Variants in XPO4 observed in about 807,000 individuals in gnomAD.
The protein encoded by XPO4 is exportin-4.
XPO4 carries 39 observed loss-of-function variants against 143.0 expected under a neutral mutation model. That is an observed-to-expected ratio of 0.27 (90% CI 0.21 to 0.36). The LOEUF (loss-of-function observed/expected upper bound fraction) is 0.36. XPO4 is among the 10% of genes least tolerant of loss of function. XPO4 has a pLI of 1.00. For missense variants in XPO4, 907 were observed against 1,348.0 expected (o/e 0.67, Z 5.12); for synonymous variants, 439 against 474.0 (o/e 0.93, Z 0.96).
intron 6 of XPO4, among the ~76,000 whole-genome samples, chr13:20,831,065 A>AT (rs1315066398): frequency 6.6e-6 from 1 of 152,080 alleles, no homozygotes; most frequent in African/African-American, 2.4e-5. Context: ...TGTATAAGAA[A>AT]TAAAAAAAAC....
At chr13:20,868,538 C>A (rs1032608618) in intron 2 of XPO4, 58 bp downstream of exon 2, 1 of 1,568,376 alleles carries the variant, frequency 6.4e-7, no homozygotes, top group Non-Finnish European at 8.6e-7. Context: ...ATGTTTAAGA[C>A]AGCAAACCCA....
At chr13:20,859,980 C>CA in intron 3 of XPO4, 1 of 324,926 alleles carries the variant, frequency 3.1e-6, no homozygotes, top group Non-Finnish European at 4.4e-6. Flanking sequence ...AACAGCTCCA[C>CA]AAAAAAGAAC....
intron 22 of XPO4, among the ~76,000 whole-genome samples, chr13:20,784,204 A>G (rs1250880822): frequency 6.6e-6 from 1 of 152,224 alleles, no homozygotes; most frequent in Non-Finnish European, 1.5e-5. Context: ...AGATCAAGCA[A>G]GAGTCCACCA....
intron 1 of XPO4, among the ~76,000 whole-genome samples, chr13:20,900,617 CT>C (rs71090516): frequency 0.23 from 33,601 of 144,356 alleles, 5,169 homozygotes; most frequent in African/African-American, 0.46. Flanking sequence ...AAGTCATTTC[CT>C]TTTTTTTTTT....
chr13:20,802,786 T>C lies in XPO4; in HGVS notation c.1818-1796A>G, dbSNP rs558234534. ...ATACAAATGTCTATATATTGAAAGATAACTTTTAAACATTTTCAATGACCA... is the reference window on the plus strand; with the variant it reads ...ATACAAATGTCTATATATTGAAAGACAACTTTTAAACATTTTCAATGACCA... On this transcript the variant is annotated intron_variant, in intron 13 of 22. Transcript: ENST00000255305. 5.3e-5 allele frequency among the ~76,000 whole-genome samples: 8 copies of C among 152,346 alleles called. No individual in the cohort carries two copies. The South Asian group carries it at 1.7e-3, about 32-fold the overall frequency.
At chr13:20,881,936 C>G (rs541087929) in intron 1 of XPO4, among the ~76,000 whole-genome samples, 8 of 151,430 alleles carry the variant, frequency 5.3e-5, no homozygotes, top group Non-Finnish European at 1.2e-4. Flanking sequence ...GGTGAAACCC[C>G]GTCTCTACTA....
intron 1 of XPO4, chr13:20,879,066 G>A (rs2060381371): frequency 2.1e-6 from 2 of 970,808 alleles, no homozygotes; most frequent in Non-Finnish European, 1.2e-6. Context: ...GCGAACGCAG[G>A]GATCCAAAGA....
intron 1 of XPO4, among the ~76,000 whole-genome samples, chr13:20,883,958 GT>G (rs2060437628): frequency 6.6e-6 from 1 of 152,084 alleles, no homozygotes; most frequent in Admixed American, 6.5e-5. Flanking sequence ...TAGAGATGGG[GT>G]TTCTCCATGT....
chr13:20,796,960 G>A lies in XPO4; in HGVS notation c.2420C>T (p.Ala807Val). ...QQEEVKQEIT[A>V]TLEALCGIAE... ...AATGCCACACAGGGCCTCTAGTGTG[G>A]CAGTGATTTCCTGCTTGACTTCCTC... The change falls in exon 17 of 23, where the codon GCC becomes GTC. Residue 807 changes from alanine (A) to valine (V), a missense_variant. By Grantham distance (64) the Ala-to-Val change is moderately conservative. Coordinates refer to ENST00000255305, the MANE Select transcript of XPO4 (RefSeq NM_022459.5). 6.2e-7 allele frequency: 1 copy of A among 1,614,010 alleles called. No individual in the cohort carries two copies. The highest frequency in any genetic ancestry group is 8.5e-7 in the Non-Finnish European group (1 of 1,179,966).
chr13:20,796,838 T>A lies in XPO4; in HGVS notation c.2542A>T (p.Thr848Ser). The change falls in exon 17 of 23, where the codon ACC becomes TCC. Residue 848 changes from threonine (T) to serine (S), a missense_variant. Physicochemically the swap from Thr to Ser is moderately conservative, Grantham distance 58. Coordinates refer to ENST00000255305, the MANE Select transcript of XPO4 (RefSeq NM_022459.5). ...CIGLMEVYKN[T>S]PETVNLIIEV... Reference sequence around the variant, plus strand: ...ATAATGAGATTGACAGTCTCTGGGGTATTCTTGTAAACTTCCATCAATCCA... The same window carrying A: ...ATAATGAGATTGACAGTCTCTGGGGAATTCTTGTAAACTTCCATCAATCCA... 6.2e-7 allele frequency: 1 copy of A among 1,614,108 alleles called. No homozygotes were observed. The highest frequency in any genetic ancestry group is 8.5e-7 in the Non-Finnish European group (1 of 1,179,994).
intron 6 of XPO4, among the ~76,000 whole-genome samples, chr13:20,828,080 T>C (rs996089150): frequency 1.3e-5 from 2 of 152,058 alleles, no homozygotes; most frequent in Admixed American, 6.5e-5. Flanking sequence ...CTACTAAAAA[T>C]ACAAAAATTA....
rs532860666 is a variant in XPO4 at position 20,891,284 on chromosome 13, A to G, written c.69+11386T>C. Reference sequence around the variant, plus strand: ...GGCTACCACATTGGAGAGAGCAGATAAAGAACACTTCCATCAGCACAGAAA... The same window carrying G: ...GGCTACCACATTGGAGAGAGCAGATGAAGAACACTTCCATCAGCACAGAAA... On this transcript the variant is annotated intron_variant, in intron 1 of 22. Coordinates refer to ENST00000255305, the MANE Select transcript of XPO4 (RefSeq NM_022459.5). Among the ~76,000 whole-genome samples, 693 of 152,268 alleles carry G rather than the reference A, an allele frequency of 4.6e-3. 4 individuals are homozygous for G. Among genetic ancestry groups the G allele is most frequent in the Non-Finnish European group, 6.7e-3 (456 of 68,030 alleles).
intron 2 of XPO4, among the ~76,000 whole-genome samples, chr13:20,864,228 TA>T (rs148868016): frequency 9.3e-5 from 14 of 149,860 alleles, no homozygotes; most frequent in African/African-American, 1.5e-4. Context: ...CTCTAGGAGT[TA>T]AAAAAAAAGG....
intron 9 of XPO4, among the ~76,000 whole-genome samples, chr13:20,812,005 AG>A (rs2059589234): frequency 6.6e-6 from 1 of 152,252 alleles, no homozygotes; most frequent in African/African-American, 2.4e-5. Flanking sequence ...GGGCATCGTC[AG>A]CACACAGATA....
chr13:20,791,370 C>A (rs2059278203), intron 18 of XPO4, among the ~76,000 whole-genome samples: 3 of 149,240 alleles, frequency 2.0e-5, no homozygotes, highest in Admixed American at 6.6e-5. Flanking sequence ...TTTGAGAATT[C>A]TATCTATTAA....
chr13:20,846,742 T>G (rs973463023), intron 4 of XPO4, among the ~76,000 whole-genome samples: 5 of 152,186 alleles, frequency 3.3e-5, no homozygotes, highest in African/African-American at 1.2e-4. Flanking sequence ...ACTGTAACAT[T>G]TATAGCTTTC....
At chr13:20,881,325 G>A (rs191213767) in intron 1 of XPO4, among the ~76,000 whole-genome samples, 2 of 152,094 alleles carry the variant, frequency 1.3e-5, no homozygotes, top group African/African-American at 4.8e-5. Flanking sequence ...CTGGAGTGCA[G>A]TGGCAAAATT....
At chr13:20,784,920 C>A (rs2059181971) in intron 22 of XPO4, among the ~76,000 whole-genome samples, 1 of 152,092 alleles carries the variant, frequency 6.6e-6, no homozygotes, top group Non-Finnish European at 1.5e-5. Flanking sequence ...CCAGCCTGGG[C>A]AACAGAGTGA....
chr13:20,892,868 G>C (rs2060531557), intron 1 of XPO4, among the ~76,000 whole-genome samples: 1 of 148,334 alleles, frequency 6.7e-6, no homozygotes, highest in South Asian at 2.1e-4. Flanking sequence ...GGGTTTTAGA[G>C]TAACTCCAAA....
Sources: allele counts gnomAD v4.1 joint callset (sites outside exome capture counted in the v4.1 genomes callset), GRCh38; gene constraint gnomAD v4.1.1; transcripts MANE v1.5; gene names NCBI Gene and HGNC (gene_info 2026-07-23, HGNC 2026-07-21).